PRR14L: variants seen among roughly 807,000 people sequenced by gnomAD.
PRR14L encodes the protein protein PRR14L.
In PRR14L, 80 loss-of-function variants were observed where a neutral mutation model predicts 155.0. That is an observed-to-expected ratio of 0.52 (90% confidence interval 0.43 to 0.62). The LOEUF is 0.62. Ranked by LOEUF, PRR14L falls within the 20% of genes least tolerant of loss-of-function variation. PRR14L has a pLI of 0.00. For missense variants in PRR14L, 2,469 were observed against 2,548.0 expected (o/e 0.97, Z 0.67); for synonymous variants, 883 against 916.0 (o/e 0.96, Z 0.65).
At chr22:31,698,101 T>C (rs536735740) in intron 7 of PRR14L, among the ~76,000 whole-genome samples, 1 of 151,358 alleles carries the variant, frequency 6.6e-6, no homozygotes, top group East Asian at 1.9e-4. Flanking sequence ...CATGGCTCAC[T>C]GCAACCTCCA....
chr22:31,704,542 G>A (rs2074579460), intron 5 of PRR14L, 113 bp downstream of exon 5: 1 of 697,698 alleles, frequency 1.4e-6, no homozygotes, highest in Admixed American at 2.6e-5. Context: ...AGGTTTACAA[G>A]GACAAGAGGT....
chr22:31,721,695 T>G (rs1341829386), intron 3 of PRR14L, among the ~76,000 whole-genome samples: 1 of 152,216 alleles, frequency 6.6e-6, no homozygotes, highest in Non-Finnish European at 1.5e-5. Context: ...GAGAAGAATT[T>G]GAATGGTTCT....
intron 4 of PRR14L, 37 bp from the exon 5 acceptor site, chr22:31,704,763 G>A (rs1356497376): frequency 9.8e-6 from 15 of 1,525,212 alleles, no homozygotes; most frequent in Non-Finnish European, 1.4e-5. Context: ...AATAGGTAAG[G>A]GCAGTGGGAT....
At chr22:31,706,488 G>A (rs894886405) in intron 4 of PRR14L, among the ~76,000 whole-genome samples, 3 of 148,578 alleles carry the variant, frequency 2.0e-5, no homozygotes, top group African/African-American at 5.1e-5. Flanking sequence ...GCAGTGGCGC[G>A]ATCTCATCTC....
At chr22:31,740,891 C>A (rs888048403) in intron 1 of PRR14L, among the ~76,000 whole-genome samples, 6 of 152,062 alleles carry the variant, frequency 3.9e-5, no homozygotes, top group Admixed American at 1.3e-4. Context: ...CCTGTAATCC[C>A]AGCAGTTTGG....
chr22:31,748,233 G>A (rs913267515), intron 1 of PRR14L, among the ~76,000 whole-genome samples: 2 of 152,186 alleles, frequency 1.3e-5, no homozygotes, highest in Non-Finnish European at 2.9e-5. Flanking sequence ...AGGGAATTTG[G>A]AGAATGGGCC....
intron 7 of PRR14L, among the ~76,000 whole-genome samples, chr22:31,695,240 G>A (rs1359682802): frequency 6.6e-6 from 1 of 152,178 alleles, no homozygotes; most frequent in Non-Finnish European, 1.5e-5. Context: ...AATCTGCCCT[G>A]CAGTACCTGC....
At chr22:31,707,672 A>G (rs1427994846) in intron 4 of PRR14L, among the ~76,000 whole-genome samples, 1 of 152,106 alleles carries the variant, frequency 6.6e-6, no homozygotes, top group Non-Finnish European at 1.5e-5. Flanking sequence ...GGCGTGAGCC[A>G]CTGCACCTGG....
rs773102260 is a variant in PRR14L at position 31,704,722 on chromosome 22, T to C, written c.5761A>G (p.Thr1921Ala). Reference protein sequence around the residue: ...QPSLGTTSSHTMLPYVPLPGM... With the variant: ...QPSLGTTSSHAMLPYVPLPGM... ...GGAAGAGGCACATATGGTAACATGG[T>C]GTGGCTAAAGTAAAGCAAAAGTACA... Residue 1921 changes from threonine (T) to alanine (A), a missense_variant, in exon 5 of 9, where the codon ACC becomes GCC. By Grantham distance (58) the Thr-to-Ala change is moderately conservative. This residue lies in a region of PRR14L where 2,363 missense variants were observed against 2,371.6 expected (regional missense o/e 1.00). Coordinates refer to ENST00000327423, the MANE Select transcript of PRR14L (RefSeq NM_173566.3). 1 of 1,613,688 alleles carries C rather than the reference T, an allele frequency of 6.2e-7. No individual in the cohort carries two copies. The highest frequency in any genetic ancestry group is 8.5e-7 in the Non-Finnish European group (1 of 1,179,802).
Position 31,713,437 on chromosome 22 carries a change from T to C in PRR14L, c.4402A>G (p.Lys1468Glu), listed in dbSNP as rs1268228863. 5 of 1,551,828 alleles carry C rather than the reference T, an allele frequency of 3.2e-6. No individual in the cohort carries two copies. The highest frequency in any genetic ancestry group is 4.4e-6 in the Non-Finnish European group (5 of 1,147,030). The part of the protein sequence containing the change: ...VAQTQKLEDQ[K>E]EERLHHPLRK... ...AATGGATGATGTAACCTTTCCTCCTTCTGGTCTTCTAACTTCTGAGTCTGT... is the reference window on the plus strand; with the variant it reads ...AATGGATGATGTAACCTTTCCTCCTCCTGGTCTTCTAACTTCTGAGTCTGT... Residue 1468 changes from lysine (K) to glutamate (E), a missense_variant, in exon 4 of 9, where the codon AAG (lysine) becomes GAG (glutamate). Lys to Glu is a moderately conservative substitution (Grantham distance 56, BLOSUM62 1). Transcript: ENST00000327423.
In PRR14L at chr22:31,714,411, C is replaced by A; in HGVS notation, c.3428G>T (p.Cys1143Phe). 1 of 1,551,612 alleles carries A rather than the reference C, an allele frequency of 6.4e-7. No homozygotes were observed. The highest frequency in any genetic ancestry group is 1.2e-5 in the South Asian group (1 of 84,038). The change falls in exon 4 of 9, where the codon TGT (cysteine) becomes TTT (phenylalanine). Residue 1143 changes from cysteine (C) to phenylalanine (F), a missense_variant. Cys to Phe is a radical substitution (Grantham distance 205). Transcript: ENST00000327423. ...AGAGTCTGGACACTTTTCCATTTCACAGTCTTTTAAAGATCTGCATACGTT... is the reference window on the plus strand; with the variant it reads ...AGAGTCTGGACACTTTTCCATTTCAAAGTCTTTTAAAGATCTGCATACGTT... ...EENVCRSLKDCEMEKCPDSCA... is the reference protein window; with the variant it reads ...EENVCRSLKDFEMEKCPDSCA...
Position 31,738,375 on chromosome 22 carries a change from T to C in PRR14L, c.474+12A>G. On this transcript the variant is annotated intron_variant, in intron 2 of 8. Coordinates refer to ENST00000327423, the MANE Select transcript of PRR14L (RefSeq NM_173566.3). ...ACACTCAACTCTTCGGAATGGAGAT[T>C]TCATTTCTTACCTGACTCGGGCTAG... The C allele has an allele frequency of 6.5e-7, 1 of 1,547,218 alleles. No individual in the cohort carries two copies. Among genetic ancestry groups the C allele is most frequent in the African/African-American group, 1.4e-5 (1 of 72,914 alleles).
At chr22:31,721,543 G>A (rs2074690266) in intron 3 of PRR14L, among the ~76,000 whole-genome samples, 1 of 151,288 alleles carries the variant, frequency 6.6e-6, no homozygotes, top group South Asian at 2.1e-4. Flanking sequence ...AGTCTGGCCT[G>A]GGCGACAGAG....
At chr22:31,736,489 A>G (rs866130746) in intron 2 of PRR14L, among the ~76,000 whole-genome samples, 2 of 152,112 alleles carry the variant, frequency 1.3e-5, no homozygotes, top group African/African-American at 4.8e-5. Context: ...TATGAAGCCC[A>G]CTAACAACAA....
intron 7 of PRR14L, among the ~76,000 whole-genome samples, chr22:31,696,648 A>T (rs2147855014): frequency 6.6e-6 from 1 of 152,290 alleles, no homozygotes; most frequent in African/African-American, 2.4e-5. Context: ...GTTCCCACAA[A>T]TTCTCTCAGA....
chr22:31,736,218 C>CAAA (rs1212304644), intron 2 of PRR14L, among the ~76,000 whole-genome samples: 203 of 84,888 alleles, frequency 2.4e-3, no homozygotes, highest in Middle Eastern at 8.1e-3. Context: ...GACTCCATCT[C>CAAA]AAAAAAAAAA....
intron 4 of PRR14L, among the ~76,000 whole-genome samples, chr22:31,707,398 G>C (rs1337048833): frequency 1.3e-5 from 2 of 151,792 alleles, no homozygotes; most frequent in Admixed American, 1.3e-4. Flanking sequence ...ATTTTTTTTG[G>C]GAGACGGAGA....
rs181336048 is a variant in PRR14L, at chr22:31,702,061, G to A, written c.6001-299C>T. Reference sequence around the variant, plus strand: ...CTGATCCTTTTGCCTCAGCCTCTGCGGTAGCTAGGACTATAGGTGTATGCC... The same window carrying A: ...CTGATCCTTTTGCCTCAGCCTCTGCAGTAGCTAGGACTATAGGTGTATGCC... On this transcript the variant is annotated intron_variant, in intron 6 of 8. Coordinates refer to ENST00000327423, the MANE Select transcript of PRR14L (RefSeq NM_173566.3). Among the ~76,000 whole-genome samples, 23 of 152,078 alleles carry A rather than the reference G, an allele frequency of 1.5e-4. No individual in the cohort carries two copies. In the East Asian group the frequency reaches 1.9e-3, roughly 13 times the overall value.
In PRR14L at chr22:31,713,870, C is replaced by T. The variant is rs2074638248; in HGVS notation, c.3969G>A (p.Leu1323=). The T allele has an allele frequency of 1.2e-5, 19 of 1,552,042 alleles. No individual in the cohort carries two copies. Among genetic ancestry groups the T allele is most frequent in the Non-Finnish European group, 1.7e-5 (19 of 1,147,112 alleles). The change falls in exon 4 of 9, where the codon TTG becomes TTA. Residue 1323 remains leucine (L), a synonymous_variant. Transcript: ENST00000327423. ...TAATATCTGTTTTCACTGTCAAAGG[C>T]AAATGTCTGTCAGAGGAATTCTCGT... The part of the protein sequence containing the change: ...HPHENSSDRH[L]PLTVKTDIKV...
Sources: gnomAD v4.1 joint callset for allele counts (sites outside exome capture counted in the v4.1 genomes callset) on GRCh38, gnomAD v4.1.1 for gene constraint, gnomAD v4.1.1 regional missense constraint, MANE v1.5 for transcripts, NCBI Gene and HGNC (gene_info 2026-07-23, HGNC 2026-07-21) for gene names.